The following HS6ST3 variants were observed in gnomAD, a reference collection of about 807,000 sequenced individuals.
HS6ST3 encodes heparan sulfate 6-O-sulfotransferase 3.
A neutral mutation model predicts 36.7 loss-of-function variants in HS6ST3; 12 were observed. The observed-to-expected ratio is 0.33, with a 90% CI of 0.21 to 0.53. The LOEUF (loss-of-function observed/expected upper bound fraction) is 0.53. HS6ST3 is among the 20% of genes least tolerant of loss of function. The pLI, the probability that HS6ST3 is intolerant of heterozygous loss-of-function variation, is 0.95. For synonymous variants in HS6ST3, 240 were observed against 257.5 expected (o/e 0.93, Z 0.65); for missense variants, 584 against 640.9 (o/e 0.91, Z 0.96).
chr13:96,268,129 A>C (rs770481241), intron 1 of HS6ST3, among the ~76,000 whole-genome samples: 1 of 151,964 alleles, frequency 6.6e-6, no homozygotes, highest in South Asian at 2.1e-4. Flanking sequence ...TAAATGCCCT[A>C]TACTTAATAT....
At chr13:96,144,953 T>C (rs2054049929) in intron 1 of HS6ST3, among the ~76,000 whole-genome samples, 1 of 151,312 alleles carries the variant, frequency 6.6e-6, no homozygotes, top group African/African-American at 2.4e-5. Flanking sequence ...CAGCTTCCTC[T>C]ATGTTCCTAC....
At chr13:96,238,910 G>T (rs1056793352) in intron 1 of HS6ST3, among the ~76,000 whole-genome samples, 3 of 152,208 alleles carry the variant, frequency 2.0e-5, no homozygotes, top group Non-Finnish European at 1.5e-5. Context: ...CTTGTGCCTG[G>T]GTGACACAGC....
At chr13:96,207,359 A>G (rs1021758272) in intron 1 of HS6ST3, among the ~76,000 whole-genome samples, 12 of 152,068 alleles carry the variant, frequency 7.9e-5, no homozygotes, top group African/African-American at 2.9e-4. Context: ...TTTCTTGTTC[A>G]TTTTCCTTTT....
intron 1 of HS6ST3, among the ~76,000 whole-genome samples, chr13:96,600,578 C>A (rs1489060069): frequency 6.6e-6 from 1 of 151,838 alleles, no homozygotes; most frequent in Non-Finnish European, 1.5e-5. Flanking sequence ...TAATTGGGTC[C>A]CTTGAAGACA....
chr13:96,646,389 G>T (rs1046591448), intron 1 of HS6ST3, among the ~76,000 whole-genome samples: 1 of 151,934 alleles, frequency 6.6e-6, no homozygotes, highest in African/African-American at 2.4e-5. Flanking sequence ...TCCAAACAAG[G>T]TCACTGAATA....
intron 1 of HS6ST3, among the ~76,000 whole-genome samples, chr13:96,308,552 C>T (rs931897105): frequency 2.6e-5 from 4 of 151,994 alleles, no homozygotes; most frequent in Non-Finnish European, 5.9e-5. Flanking sequence ...AAGACTTTAA[C>T]GGTGGAAAAG....
chr13:96,652,180 A>G (rs561071025), intron 1 of HS6ST3, among the ~76,000 whole-genome samples: 1 of 152,222 alleles, frequency 6.6e-6, no homozygotes, highest in East Asian at 1.9e-4. Flanking sequence ...TCACACATAT[A>G]TATAATACTG....
intron 1 of HS6ST3, among the ~76,000 whole-genome samples, chr13:96,485,981 A>G (rs935301548): frequency 5.9e-5 from 9 of 151,584 alleles, no homozygotes; most frequent in African/African-American, 1.9e-4. Context: ...GTCATTTAAC[A>G]TTAGGTATAT....
intron 1 of HS6ST3, among the ~76,000 whole-genome samples, chr13:96,284,712 C>A (rs9556545): frequency 0.055 from 8,426 of 152,094 alleles, 312 homozygotes; most frequent in East Asian, 0.15. Context: ...AGGTTGGATG[C>A]TTTTTTTCTA....
intron 1 of HS6ST3, among the ~76,000 whole-genome samples, chr13:96,117,420 T>G (rs1408846340): frequency 2.0e-5 from 3 of 152,116 alleles, no homozygotes; most frequent in Non-Finnish European, 2.9e-5. Context: ...AGAAAACCAG[T>G]TGTAATTGCG....
intron 1 of HS6ST3, among the ~76,000 whole-genome samples, chr13:96,408,659 C>T (rs780021421): frequency 7.2e-5 from 11 of 152,100 alleles, no homozygotes; most frequent in Non-Finnish European, 1.5e-4. Flanking sequence ...CATGGTGGCT[C>T]ATGCCTGTAA....
intron 1 of HS6ST3, among the ~76,000 whole-genome samples, chr13:96,827,352 C>T (rs1210369512): frequency 2.0e-5 from 3 of 152,032 alleles, no homozygotes; most frequent in Admixed American, 6.6e-5. Context: ...TTAACTGTAA[C>T]GGAAAATATA....
At chr13:96,372,097 ACCAACAAT>A (rs1418129311) in intron 1 of HS6ST3, among the ~76,000 whole-genome samples, 2 of 152,150 alleles carry the variant, frequency 1.3e-5, no homozygotes, top group African/African-American at 4.8e-5. Context: ...TTATATTCCT[ACCAACAAT>A]ATATAAGGGT....
chr13:96,160,952 A>G (rs1245228303), intron 1 of HS6ST3, among the ~76,000 whole-genome samples: 5 of 152,174 alleles, frequency 3.3e-5, no homozygotes, highest in South Asian at 2.1e-4. Flanking sequence ...CCTGTTTGCT[A>G]TAATTTAGAG....
intron 1 of HS6ST3, among the ~76,000 whole-genome samples, chr13:96,422,602 C>T (rs929032370): frequency 6.6e-6 from 1 of 152,162 alleles, no homozygotes; most frequent in Non-Finnish European, 1.5e-5. Flanking sequence ...TGTGATAGGT[C>T]TCCATGGGCA....
intron 1 of HS6ST3, among the ~76,000 whole-genome samples, chr13:96,114,090 A>C (rs571803386): frequency 1.3e-5 from 2 of 152,142 alleles, no homozygotes; most frequent in African/African-American, 4.8e-5. Flanking sequence ...AAAATGAAAA[A>C]AGTTGTGAAA....
chr13:96,204,874 C>T (rs1484024145), intron 1 of HS6ST3, among the ~76,000 whole-genome samples: 2 of 152,002 alleles, frequency 1.3e-5, no homozygotes, highest in Non-Finnish European at 2.9e-5. Context: ...GCATTGAATG[C>T]CCACATCAAA....
intron 1 of HS6ST3, among the ~76,000 whole-genome samples, chr13:96,310,617 C>T (rs1288738028): frequency 2.0e-5 from 3 of 149,570 alleles, no homozygotes; most frequent in African/African-American, 7.4e-5. Context: ...CCCTGCCTCC[C>T]TCCCTATCTC....
chr13:96,834,742 T>C lies in HS6ST3; in HGVS notation c.*1544T>C, dbSNP rs1878884482. 2 of 152,578 alleles carry C rather than the reference T, an allele frequency of 1.3e-5. No homozygotes were observed. Among genetic ancestry groups the C allele is most frequent in the African/African-American group, 2.4e-5 (1 of 41,432 alleles). 9.5% of individuals were successfully genotyped at this position (152,578 alleles called of 1,614,324 possible). On this transcript the variant is annotated 3_prime_UTR_variant, in exon 2 of 2. Transcript: ENST00000376705. ...CAACATGTTTGATGTTTAAGCTAGC[T>C]TTACCTAAGCCACTTCTCAGCCTCC...
Sources: gnomAD v4.1 joint callset for allele counts (sites outside exome capture counted in the v4.1 genomes callset) on GRCh38, gnomAD v4.1.1 for gene constraint, MANE v1.5 for transcripts, NCBI Gene and HGNC (gene_info 2026-07-23, HGNC 2026-07-21) for gene names.